Variants in JSRP1 observed in about 807,000 individuals in gnomAD.
The protein encoded by JSRP1 is junctional sarcoplasmic reticulum protein 1.
In JSRP1, 29 loss-of-function variants were observed where a neutral mutation model predicts 21.4. The observed-to-expected ratio is 1.36, with a 90% CI of 1.01 to 1.85. The LOEUF is 1.85. Among genes scored for constraint, JSRP1 ranks in the 40% most tolerant of loss-of-function variants. JSRP1 has a pLI of 0.00. For synonymous variants in JSRP1, 221 were observed against 206.1 expected (o/e 1.07, Z -0.62); for missense variants, 531 against 461.5 (o/e 1.15, Z -1.38).
Position 2,254,428 on chromosome 19 carries a change from G to A in JSRP1, c.147+17C>T, listed in dbSNP as rs749299012. The A allele has an allele frequency of 6.2e-7, 1 of 1,612,874 alleles. No individual in the cohort carries two copies. The highest frequency in any genetic ancestry group is 8.5e-7 in the Non-Finnish European group (1 of 1,179,944). ...CCAGGCGTCCTGGGTTAAAGGCTGAGGGTCCCAGCTACTCACGTGGGGCAC... is the reference window on the plus strand; with the variant it reads ...CCAGGCGTCCTGGGTTAAAGGCTGAAGGTCCCAGCTACTCACGTGGGGCAC... On this transcript the variant is annotated intron_variant, in intron 3 of 6. Coordinates refer to ENST00000300961, the MANE Select transcript of JSRP1 (RefSeq NM_144616.4).
Position 2,255,383 on chromosome 19 carries a change from T to C in JSRP1, c.-30-39A>G, listed in dbSNP as rs1440539968. ...GGAACAAGGTCTTGCATTTACTGAG[T>C]CTCTGCCACAGGCCTGGGCCTGACC... On this transcript the variant is annotated intron_variant, in intron 1 of 6. Transcript: ENST00000300961. The C allele has an allele frequency of 3.0e-6, 3 of 1,008,312 alleles. No individual in the cohort carries two copies. In the East Asian group the frequency reaches 7.9e-5, roughly 27 times the overall value. 62.5% of individuals were successfully genotyped at this position (1,008,312 alleles called of 1,614,324 possible). A position where few individuals can be genotyped will look rare whatever the true frequency, so the allele number is the denominator to read the frequency against.
At chr19:2,253,984 G>A (rs1399089472) in intron 4 of JSRP1, among the ~76,000 whole-genome samples, 191 bp from the exon 5 acceptor site, 1 of 152,220 alleles carries the variant, frequency 6.6e-6, no homozygotes, top group African/African-American at 2.4e-5. Flanking sequence ...TTTCTGGAAG[G>A]TAACTTCCCG....
rs374757143 is a variant in JSRP1, at chr19:2,252,453, C to T, written c.872G>A (p.Trp291Ter). ...CTCGGCGTCCCTGGAGTCCCGTGCC[C>T]ACGGCCGGTGGCCCCCTTCGCGTGA... ...WESREGGHRP[W>*]ARDSRDAEPR... The change falls in exon 7 of 7, where the codon TGG (tryptophan) becomes TAG (stop). Residue 291 changes from tryptophan to a stop codon, truncating the protein, a stop_gained. Coordinates refer to ENST00000300961, the MANE Select transcript of JSRP1 (RefSeq NM_144616.4). LOFTEE classifies it low-confidence loss of function (END_TRUNC). 2.1e-5 allele frequency: 34 copies of T among 1,611,244 alleles called. No individual in the cohort carries two copies. Among genetic ancestry groups the T allele is most frequent in the Non-Finnish European group, 2.9e-5 (34 of 1,179,672 alleles).
Position 2,252,743 on chromosome 19 carries a change from C to T in JSRP1, c.582G>A (p.Glu194=), listed in dbSNP as rs2025077901. 6.2e-7 allele frequency: 1 copy of T among 1,612,528 alleles called. No homozygotes were observed. Among genetic ancestry groups the T allele is most frequent in the African/African-American group, 1.3e-5 (1 of 74,932 alleles). Residue 194 remains glutamate, a synonymous_variant, in exon 7 of 7, where the codon GAG becomes GAA. Coordinates refer to ENST00000300961, the MANE Select transcript of JSRP1 (RefSeq NM_144616.4). ...CGGGAATCTTGGGTCTGACCTCTGC[C>T]TCGGCCCGGGGCGCAGGCGGCGCTG... ...PPSAPPAPRA[E]AEVRPKIPGS... is the part of the protein sequence containing the mutation.
intron 6 of JSRP1, 45 bp downstream of exon 6, chr19:2,252,867 G>A (rs370757809): frequency 8.3e-5 from 132 of 1,597,214 alleles, no homozygotes; most frequent in Non-Finnish European, 1.1e-4. Flanking sequence ...CTTTCCTTGG[G>A]GATGAAGGTC....
chr19:2,255,497 C>A lies in JSRP1; in HGVS notation c.-30-153G>T, dbSNP rs149353502. ...CATACTCATGCCAGGCATGGCCCGGCGCCCACTCCAGGCATCTCTCTGACC... is the reference window on the plus strand; with the variant it reads ...CATACTCATGCCAGGCATGGCCCGGAGCCCACTCCAGGCATCTCTCTGACC... On this transcript the variant is annotated intron_variant, in intron 1 of 6. Coordinates refer to ENST00000300961, the MANE Select transcript of JSRP1 (RefSeq NM_144616.4). Among the ~76,000 whole-genome samples the A allele has an allele frequency of 2.6e-5, 4 of 152,330 alleles. No individual in the cohort carries two copies. In the East Asian group the frequency reaches 7.7e-4, roughly 29 times the overall value.
chr19:2,253,412 C>T (rs945888908), intron 5 of JSRP1, among the ~76,000 whole-genome samples: 1 of 152,248 alleles, frequency 6.6e-6, no homozygotes, highest in African/African-American at 2.4e-5. Context: ...GGGGAATGGG[C>T]CCCGCAAAAG....
chr19:2,254,221 T>A lies in JSRP1; in HGVS notation c.228A>T (p.Pro76=). 2.5e-6 allele frequency: 4 copies of A among 1,606,782 alleles called. No individual in the cohort carries two copies. Among genetic ancestry groups the A allele is most frequent in the Non-Finnish European group, 2.5e-6 (3 of 1,176,752 alleles). The change falls in exon 4 of 7, where the codon CCA becomes CCT. Residue 76 remains proline, a synonymous_variant. Coordinates refer to ENST00000300961, the MANE Select transcript of JSRP1 (RefSeq NM_144616.4). The part of the protein sequence containing the change: ...MEKEPAARGT[P]GTGKERLKAG... ...CTTTCAGCCTCTCCTTCCCCGTTCC[T>A]GGGGTCCCCCTGGCGGCAGGCTCTT...
intron 5 of JSRP1, among the ~76,000 whole-genome samples, chr19:2,253,346 C>T (rs922328453): frequency 3.9e-5 from 6 of 152,212 alleles, no homozygotes; most frequent in African/African-American, 1.2e-4. Context: ...CAGAACGCTA[C>T]GAGGCAGGAG....
chr19:2,252,787 C>G lies in JSRP1; in HGVS notation c.538G>C (p.Glu180Gln). 6.2e-7 allele frequency: 1 copy of G among 1,611,154 alleles called. No individual in the cohort carries two copies. Among genetic ancestry groups the G allele is most frequent in the Non-Finnish European group, 8.5e-7 (1 of 1,179,258 alleles). The change falls in exon 7 of 7, where the codon GAG becomes CAG. Residue 180 changes from glutamate to glutamine, a missense_variant. Physicochemically the swap from Glu to Gln is conservative, Grantham distance 29. Transcript: ENST00000300961. ...REPSSPLPKF[E>Q]AQAPPSAPPA... ...GGCGCTGATGGAGGCGCCTGGGCCT[C>G]GAACTTAGGCTGCAAGACAGAGTGG...
chr19:2,253,017 G>A lies in JSRP1; in HGVS notation c.437-14C>T, dbSNP rs942127485. 4.4e-6 allele frequency: 7 copies of A among 1,581,478 alleles called. No homozygotes were observed. Among genetic ancestry groups the A allele is most frequent in the Non-Finnish European group, 5.2e-6 (6 of 1,161,790 alleles). ...CAGGGACGGCGTCTGCAGCGACAGG[G>A]TCGGGACCCGAGTCAGCTGGGCCGA... On this transcript the variant is annotated splice_polypyrimidine_tract_variant and intron_variant, in intron 5 of 6. Coordinates refer to ENST00000300961, the MANE Select transcript of JSRP1 (RefSeq NM_144616.4).
At position 2,253,695 on chromosome 19, in the gene JSRP1, C is replaced by A; in HGVS notation, c.361G>T (p.Asp121Tyr). The A allele has an allele frequency of 6.6e-7, 1 of 1,505,502 alleles. No homozygotes were observed. Among genetic ancestry groups the A allele is most frequent in the African/African-American group, 1.4e-5 (1 of 69,084 alleles). The allele number at this position is 1,505,502 out of a possible 1,614,324, so 93.3% of individuals were successfully genotyped here. The stretch of plus-strand genomic sequence containing the variant: ...ACCAGGCACTTGTTGAGCGACAGGT[C>A]TCCCCAGGGCAGCTCCTCGCTCAGG... ...PALSEELPWG[D>Y]LSLNKCLVLA... Residue 121 changes from aspartate to tyrosine, a missense_variant, in exon 5 of 7, where the codon GAC becomes TAC. Coordinates refer to ENST00000300961, the MANE Select transcript of JSRP1 (RefSeq NM_144616.4).
chr19:2,256,281 G>A (rs2025146092), intron 1 of JSRP1, 102 bp downstream of exon 1: 3 of 152,292 alleles, frequency 2.0e-5, no homozygotes, highest in Admixed American at 2.0e-4. Context: ...CAGGAATTGG[G>A]GACCCTTACA....
chr19:2,253,021 G>C lies in JSRP1; in HGVS notation c.437-18C>G, dbSNP rs777154994. ...GACGGCGTCTGCAGCGACAGGGTCGGGACCCGAGTCAGCTGGGCCGAGGCA... is the reference window on the plus strand; with the variant it reads ...GACGGCGTCTGCAGCGACAGGGTCGCGACCCGAGTCAGCTGGGCCGAGGCA... On this transcript the variant is annotated intron_variant, in intron 5 of 6. Coordinates refer to ENST00000300961, the MANE Select transcript of JSRP1 (RefSeq NM_144616.4). 6.4e-7 allele frequency: 1 copy of C among 1,573,934 alleles called. No individual in the cohort carries two copies. Among genetic ancestry groups the C allele is most frequent in the African/African-American group, 1.3e-5 (1 of 74,358 alleles).
chr19:2,254,586 T>C, intron 2 of JSRP1, 104 bp from the exon 3 acceptor site: 4 of 1,300,152 alleles, frequency 3.1e-6, no homozygotes, highest in Non-Finnish European at 3.3e-6. Context: ...CCCCATCTTA[T>C]AGATAAGAAA....
In JSRP1 at chr19:2,255,337, A is replaced by G. The variant is rs886363; in HGVS notation, c.-23T>C. On this transcript the variant is annotated 5_prime_UTR_variant, in exon 2 of 7. Transcript: ENST00000300961. Reference sequence around the variant, plus strand: ...CATGGCTGGAGCAGCAGCAGGTCCCAGGCCAGGCTGGGAGGGGTGGGGAAC... The same window carrying G: ...CATGGCTGGAGCAGCAGCAGGTCCCGGGCCAGGCTGGGAGGGGTGGGGAAC... 1,271,726 of 1,547,316 alleles carry G rather than the reference A, an allele frequency of 0.82. 524,754 individuals are homozygous for G. Among genetic ancestry groups the G allele is most frequent in the African/African-American group, 0.97 (70,797 of 73,018 alleles).
At position 2,255,452 on chromosome 19, in the gene JSRP1, C is replaced by A; in HGVS notation, c.-30-108G>T. 5 of 569,392 alleles carry A rather than the reference C, an allele frequency of 8.8e-6. No homozygotes were observed. The South Asian group carries it at 9.0e-5, about 10-fold the overall frequency. 35.3% of individuals were successfully genotyped at this position (569,392 alleles called of 1,614,324 possible). A position where few individuals can be genotyped will look rare whatever the true frequency, so the allele number is the denominator to read the frequency against. ...CAACTAACAGGCCCCGTCCTCCCACCCCTCCTCACTCGGCAAATTCATACT... is the reference window on the plus strand; with the variant it reads ...CAACTAACAGGCCCCGTCCTCCCACACCTCCTCACTCGGCAAATTCATACT... On this transcript the variant is annotated intron_variant, in intron 1 of 6. Coordinates refer to ENST00000300961, the MANE Select transcript of JSRP1 (RefSeq NM_144616.4).
At position 2,252,706 on chromosome 19, in the gene JSRP1, C is replaced by T; in HGVS notation, c.619G>A (p.Ala207Thr). 1 of 1,612,418 alleles carries T rather than the reference C, an allele frequency of 6.2e-7. No individual in the cohort carries two copies. The highest frequency in any genetic ancestry group is 8.5e-7 in the Non-Finnish European group (1 of 1,179,944). Residue 207 changes from alanine (A) to threonine (T), a missense_variant, in exon 7 of 7, where the codon GCT becomes ACT. Physicochemically the swap from Ala to Thr is moderately conservative, Grantham distance 58 (BLOSUM62 0). Coordinates refer to ENST00000300961, the MANE Select transcript of JSRP1 (RefSeq NM_144616.4). ...GGCTCCTCTTCGTCGTTCTCTGCAGCCTCCCGACTCCCGGGAATCTTGGGT... is the reference window on the plus strand; with the variant it reads ...GGCTCCTCTTCGTCGTTCTCTGCAGTCTCCCGACTCCCGGGAATCTTGGGT... Reference protein sequence around the residue: ...VRPKIPGSREAAENDEEEPGE... With the variant: ...VRPKIPGSRETAENDEEEPGE...
chr19:2,254,565 C>T (rs746873767), intron 2 of JSRP1, 83 bp from the exon 3 acceptor site: 8 of 1,478,594 alleles, frequency 5.4e-6, no homozygotes, highest in Non-Finnish European at 6.6e-6. Context: ...GGGTGACGTG[C>T]GGGTGACTAA....
Sources: allele counts gnomAD v4.1 joint callset (sites outside exome capture counted in the v4.1 genomes callset), GRCh38; gene constraint gnomAD v4.1.1; transcripts MANE v1.5; gene names NCBI Gene and HGNC (gene_info 2026-07-23, HGNC 2026-07-21).